PDXDC1: variants seen among roughly 807,000 people sequenced by gnomAD.
PDXDC1 encodes the protein pyridoxal-dependent decarboxylase domain-containing protein 1.
A neutral mutation model predicts 100.1 loss-of-function variants in PDXDC1; 42 were observed. That is an observed-to-expected ratio of 0.42 (90% confidence interval 0.33 to 0.54). PDXDC1 has a LOEUF of 0.54. Among genes scored for constraint, PDXDC1 ranks in the 20% least tolerant of loss-of-function variants. The pLI, the probability that PDXDC1 is intolerant of heterozygous loss-of-function variation, is 0.10. For missense variants in PDXDC1, 636 were observed against 979.2 expected (o/e 0.65, Z 4.68); for synonymous variants, 260 against 371.7 (o/e 0.70, Z 3.46).
chr16:15,000,029 A>G (rs1306720344), intron 3 of PDXDC1, among the ~76,000 whole-genome samples: 8 of 152,290 alleles, frequency 5.3e-5, no homozygotes, highest in Non-Finnish European at 8.8e-5. Flanking sequence ...AGTCACTCCT[A>G]TTCGTAGCAT....
At chr16:15,038,491 AC>A (rs1175395330), downstream of PDXDC1, 8 of 791,678 alleles carry the variant, frequency 1.0e-5, no homozygotes, top group Non-Finnish European at 1.7e-5. Flanking sequence ...AGCAGCTATG[AC>A]CTGGTCTAAA....
intron 16 of PDXDC1, chr16:15,121,952 C>T (rs1317072972): frequency 9.7e-5 from 24 of 246,782 alleles, no homozygotes; most frequent in East Asian, 1.4e-4. Flanking sequence ...ACTATCCTGG[C>T]GAACATGGTG....
chr16:14,985,773 C>T (rs1425380468), intron 1 of PDXDC1, among the ~76,000 whole-genome samples: 1 of 152,252 alleles, frequency 6.6e-6, no homozygotes, highest in Admixed American at 6.5e-5. Context: ...TTTAATATCC[C>T]ATACTGTCTG....
At chr16:15,083,797 A>C (rs1597974183) in intron 16 of PDXDC1, 1 of 457,846 alleles carries the variant, frequency 2.2e-6, no homozygotes, top group Non-Finnish European at 3.9e-6. Flanking sequence ...GCTCACTGCA[A>C]CCTCCGCCTC....
chr16:14,982,118 T>A (rs1318752325), intron 1 of PDXDC1, among the ~76,000 whole-genome samples: 2 of 152,302 alleles, frequency 1.3e-5, no homozygotes, highest in South Asian at 2.1e-4. Context: ...ATTTTCTGCC[T>A]ATCTTCTTGA....
rs537092982 is a variant in PDXDC1, at chr16:15,038,090, G to A, written c.*1815G>A. The A allele has an allele frequency of 6.2e-6, 10 of 1,612,678 alleles. No individual in the cohort carries two copies. Among genetic ancestry groups the A allele is most frequent in the Middle Eastern group, 1.6e-4 (1 of 6,078 alleles). On this transcript the variant is annotated 3_prime_UTR_variant, in exon 23 of 23. Coordinates refer to ENST00000396410, the MANE Select transcript of PDXDC1 (RefSeq NM_015027.4). ...CCATCTTCATTTTTTTTGTAGAGTA[G>A]GGCTTTATTTCCAGAAAACAGTGTG...
intron 1 of PDXDC1, among the ~76,000 whole-genome samples, chr16:14,997,396 T>C (rs1972215204): frequency 6.6e-6 from 1 of 152,258 alleles, no homozygotes; most frequent in African/African-American, 2.4e-5. Flanking sequence ...AAAAATTAGC[T>C]GGGCATGGTG....
intron 16 of PDXDC1, among the ~76,000 whole-genome samples, chr16:15,129,447 G>C (rs922701261): frequency 1.3e-5 from 2 of 152,128 alleles, no homozygotes; most frequent in African/African-American, 4.8e-5. Flanking sequence ...TCCAAAAAAA[G>C]AAAAACGAAA....
intron 1 of PDXDC1, among the ~76,000 whole-genome samples, chr16:14,983,802 C>G (rs11646144): frequency 0.19 from 28,089 of 145,646 alleles, 11 homozygotes; most frequent in Middle Eastern, 0.3. Context: ...ACAAATAGAC[C>G]CATTTTAATT....
At chr16:15,083,407 A>G (rs1194610691) in intron 16 of PDXDC1, 12 of 1,523,686 alleles carry the variant, frequency 7.9e-6, no homozygotes, top group Non-Finnish European at 1.1e-5. Flanking sequence ...TCAAAAAAGA[A>G]AAAGAAAAAG....
chr16:15,085,690 T>C (rs1379281739), intron 16 of PDXDC1: 1 of 1,613,468 alleles, frequency 6.2e-7, no homozygotes, highest in African/African-American at 1.3e-5. Flanking sequence ...TCCTTAATGA[T>C]CACTCGGGCT....
At chr16:15,127,582 G>T (rs1206751173) in intron 16 of PDXDC1, 1 of 1,347,484 alleles carries the variant, frequency 7.4e-7, no homozygotes, top group Non-Finnish European at 1.0e-6. Flanking sequence ...GCTCAGCCTG[G>T]ACACATGCCC....
Position 15,022,755 on chromosome 16 carries a change from G to T in PDXDC1, c.1140+1G>T, listed in dbSNP as rs2042302006. On this transcript the variant is annotated splice_donor_variant, in intron 13 of 22. Transcript: ENST00000396410. LOFTEE classifies it high-confidence loss of function. ...GAAAGTGAATTACATCAAAATCTTG[G>T]TATAGTATATAAGTTCATCTGTTTT... The T allele has an allele frequency of 6.2e-7, 1 of 1,608,778 alleles. No homozygotes were observed. The highest frequency in any genetic ancestry group is 8.5e-7 in the Non-Finnish European group (1 of 1,176,644).
chr16:15,094,332 C>T, intron 16 of PDXDC1: 1 of 1,128,812 alleles, frequency 8.9e-7, no homozygotes, highest in Non-Finnish European at 1.3e-6. Flanking sequence ...GCGCAACCTT[C>T]AGCCAATCAG....
chr16:15,101,726 C>G (rs1184417476), intron 16 of PDXDC1, among the ~76,000 whole-genome samples: 3 of 148,718 alleles, frequency 2.0e-5, no homozygotes. Flanking sequence ...GGTTAGAGTG[C>G]AGTGGCACAA....
chr16:15,062,600 C>A (rs978323126), intron 16 of PDXDC1, among the ~76,000 whole-genome samples: 4 of 152,222 alleles, frequency 2.6e-5, no homozygotes, highest in Non-Finnish European at 5.9e-5. Context: ...CTTCACCACC[C>A]ATTCATGAAG....
intron 16 of PDXDC1, chr16:15,091,193 T>C: frequency 1.7e-6 from 2 of 1,195,428 alleles, no homozygotes; most frequent in Non-Finnish European, 2.3e-6. Context: ...AACCACCAGA[T>C]TAAAATAAGG....
chr16:15,047,352 C>G, intron 16 of PDXDC1: 1 of 849,620 alleles, frequency 1.2e-6, no homozygotes, highest in East Asian at 2.4e-5. Context: ...GTGGTGGCAT[C>G]CTGTGTTCCC....
the PDXDC1 span, among the ~76,000 whole-genome samples, chr16:15,148,573 G>C: frequency 6.7e-6 from 1 of 149,818 alleles, no homozygotes; most frequent in Non-Finnish European, 1.5e-5. Flanking sequence ...TTTAGAGACC[G>C]GGGTCTCACC....
Sources: allele counts gnomAD v4.1 joint callset (sites outside exome capture counted in the v4.1 genomes callset), GRCh38; gene constraint gnomAD v4.1.1; transcripts MANE v1.5; gene names NCBI Gene and HGNC (gene_info 2026-07-23, HGNC 2026-07-21).